Variants in PSMA2 observed in about 807,000 individuals in gnomAD.
PSMA2 encodes proteasome 20S subunit alpha 2.
PSMA2 carries 2 observed loss-of-function variants against 35.9 expected under a neutral mutation model. That is an observed-to-expected ratio of 0.06 (90% CI 0.02 to 0.18). The LOEUF (loss-of-function observed/expected upper bound fraction) is 0.18. Ranked by LOEUF, PSMA2 falls within the 10% of genes least tolerant of loss-of-function variation. The probability of loss-of-function intolerance (pLI) is 1.00; values close to 1 mark genes in which losing one functional copy is unlikely to be tolerated. For missense variants in PSMA2, 126 were observed against 278.8 expected (o/e 0.45, Z 3.90); for synonymous variants, 97 against 98.2 (o/e 0.99, Z 0.07).
chr7:42,917,930 T>A, intron 6 of PSMA2, 95 bp from the exon 7 acceptor site: 1 of 827,676 alleles, frequency 1.2e-6, no homozygotes, highest in Non-Finnish European at 1.9e-6. Context: ...TTTAAAACTC[T>A]AAACATCTTA....
At chr7:42,923,802 C>T (rs890972695) in intron 4 of PSMA2, among the ~76,000 whole-genome samples, 2 of 152,162 alleles carry the variant, frequency 1.3e-5, no homozygotes, top group South Asian at 2.1e-4. Context: ...TGACAACTTT[C>T]AATTACTGCA....
chr7:42,924,353 CAAAAAAAAAAAAAAA>C (rs58198756), intron 4 of PSMA2, among the ~76,000 whole-genome samples: 22 of 69,424 alleles, frequency 3.2e-4, no homozygotes, highest in Admixed American at 1.3e-3. Flanking sequence ...GACTCTGACT[CAAAAAAAAAAAAAAA>C]AAAAAAAAAA....
chr7:42,918,035 T>C (rs555612403), intron 6 of PSMA2, 200 bp from the exon 7 acceptor site: 49 of 430,130 alleles, frequency 1.1e-4, no homozygotes, highest in Admixed American at 3.2e-4. Flanking sequence ...CCCAACATCA[T>C]GAACGGTATG....
intron 1 of PSMA2, among the ~76,000 whole-genome samples, chr7:42,928,802 T>C (rs1362237507): frequency 1.3e-5 from 2 of 152,154 alleles, no homozygotes; most frequent in Non-Finnish European, 2.9e-5. Context: ...AACGCCTCAT[T>C]GACAAGCTAA....
Position 42,930,830 on chromosome 7 carries a change from GACC to G in PSMA2, c.41+1285_41+1287del, listed in dbSNP as rs367925732. On this transcript the variant is annotated intron_variant, in intron 1 of 7. Transcript: ENST00000223321. Reference sequence around the variant, plus strand: ...GCCAAGTCCCTGTCCCTAAAAAAAGGACCACATTTGTTTTCTTCATAAATAGGA... The same window carrying G: ...GCCAAGTCCCTGTCCCTAAAAAAAGGACATTTGTTTTCTTCATAAATAGGA... Among the ~76,000 whole-genome samples, 90 of 152,022 alleles carry G rather than the reference GACC, an allele frequency of 5.9e-4. No homozygotes were observed. In the East Asian group the frequency reaches 6.2e-3, roughly 11 times the overall value.
chr7:42,925,613 T>A (rs531915526), intron 3 of PSMA2, among the ~76,000 whole-genome samples: 1 of 152,336 alleles, frequency 6.6e-6, no homozygotes, highest in South Asian at 2.1e-4. Flanking sequence ...AAGTAAAATT[T>A]GTCAAAAGAG....
At chr7:42,927,789 C>T (rs565370487) in intron 1 of PSMA2, among the ~76,000 whole-genome samples, 43 of 152,090 alleles carry the variant, frequency 2.8e-4, no homozygotes, top group African/African-American at 1.0e-3. Flanking sequence ...GCCTGTAATC[C>T]CAGCTACTTG....
chr7:42,930,946 G>A (rs982416372), intron 1 of PSMA2: 1 of 261,998 alleles, frequency 3.8e-6, no homozygotes. Flanking sequence ...TCGTTCAAAG[G>A]TTACAAAAAA....
chr7:42,917,716 C>T, intron 7 of PSMA2, 26 bp from the exon 8 acceptor site: 4 of 1,611,070 alleles, frequency 2.5e-6, no homozygotes, highest in Non-Finnish European at 3.4e-6. Context: ...GAAAAAAGGT[C>T]AATTTTCTAA....
intron 5 of PSMA2, 115 bp from the exon 6 acceptor site, chr7:42,922,046 A>G: frequency 5.3e-6 from 4 of 749,938 alleles, no homozygotes; most frequent in Non-Finnish European, 8.6e-6. Context: ...AGGTCACAGA[A>G]TATTATTAGA....
At chr7:42,924,847 T>G in intron 3 of PSMA2, 50 bp from the exon 4 acceptor site, 1 of 1,545,656 alleles carries the variant, frequency 6.5e-7, no homozygotes, top group Non-Finnish European at 8.8e-7. Context: ...CTCTACTACC[T>G]GAAGACTCAT....
intron 1 of PSMA2, among the ~76,000 whole-genome samples, chr7:42,929,690 T>C (rs1184239345): frequency 6.6e-6 from 1 of 152,222 alleles, no homozygotes; most frequent in Non-Finnish European, 1.5e-5. Flanking sequence ...GATTTTGTAA[T>C]AACTTCTTTG....
chr7:42,918,073 C>A, intron 6 of PSMA2: 1 of 167,168 alleles, frequency 6.0e-6, no homozygotes, highest in Non-Finnish European at 1.2e-5. Context: ...GTTTAGGAAA[C>A]TTTTTTTTTT....
At chr7:42,931,286 G>C in intron 1 of PSMA2, 1 of 281,790 alleles carries the variant, frequency 3.5e-6, no homozygotes, top group Non-Finnish European at 7.2e-6. Flanking sequence ...AGTAAACTGG[G>C]CATTACTGAT....
chr7:42,923,209 C>A, intron 5 of PSMA2, 116 bp downstream of exon 5: 1 of 803,790 alleles, frequency 1.2e-6, no homozygotes, highest in Non-Finnish European at 2.0e-6. Flanking sequence ...CTTTCTAAAG[C>A]CCAAGAGAAA....
intron 3 of PSMA2, 105 bp downstream of exon 3, chr7:42,926,431 A>G: frequency 7.6e-7 from 1 of 1,321,450 alleles, no homozygotes; most frequent in Non-Finnish European, 1.0e-6. Context: ...ACAAAAAAAG[A>G]GGAACTGGAA....
At chr7:42,924,902 T>G in intron 3 of PSMA2, 105 bp from the exon 4 acceptor site, 1 of 1,104,508 alleles carries the variant, frequency 9.1e-7, no homozygotes, top group South Asian at 1.6e-5. Flanking sequence ...TTAACATGTA[T>G]CTCTTTAATG....
At chr7:42,921,810 C>T (rs751233304) in intron 6 of PSMA2, 48 bp downstream of exon 6, 9 of 1,485,418 alleles carry the variant, frequency 6.1e-6, no homozygotes, top group Admixed American at 5.3e-5. Context: ...GCACCAAAAA[C>T]CATAAAGTGA....
chr7:42,920,201 T>G, intron 6 of PSMA2: 1 of 306,442 alleles, frequency 3.3e-6, no homozygotes. Flanking sequence ...CAGCAATAAA[T>G]AATGAGGAAT....
Sources: gnomAD v4.1 joint callset for allele counts (sites outside exome capture counted in the v4.1 genomes callset) on GRCh38, gnomAD v4.1.1 for gene constraint, MANE v1.5 for transcripts, NCBI Gene and HGNC (gene_info 2026-07-23, HGNC 2026-07-21) for gene names.